ERBB4: variants seen among roughly 807,000 people sequenced by gnomAD.
ERBB4 encodes receptor tyrosine-protein kinase erbB-4.
Under a neutral mutation model 158.0 loss-of-function variants are expected in ERBB4, and 42 were observed. The ratio of observed to expected loss-of-function variants is 0.27; its 90% CI spans 0.21 to 0.34. The LOEUF (loss-of-function observed/expected upper bound fraction) is 0.34, where lower values mean the gene tolerates loss of function less well. Ranked by LOEUF, ERBB4 falls within the 10% of genes least tolerant of loss-of-function variation. The pLI is 1.00. For missense variants in ERBB4, 1,333 were observed against 1,624.1 expected, an observed-to-expected ratio of 0.82 and a Z score of 3.08; for synonymous variants, 583 against 558.7, an observed-to-expected ratio of 1.04 and a Z score of -0.61.
intron 3 of ERBB4, among the ~76,000 whole-genome samples, chr2:211,818,317 T>C (rs1427908515): frequency 6.6e-6 from 1 of 152,152 alleles, no homozygotes; most frequent in African/African-American, 2.4e-5. Context: ...GCATTGCTGA[T>C]ATAACAAACA....
At chr2:211,628,584 C>G (rs1464838227) in intron 17 of ERBB4, among the ~76,000 whole-genome samples, 1 of 152,142 alleles carries the variant, frequency 6.6e-6, no homozygotes, top group African/African-American at 2.4e-5. Context: ...GGACATTTGG[C>G]TTGGTTCCAA....
chr2:212,078,045 T>A (rs916004928), intron 2 of ERBB4, among the ~76,000 whole-genome samples: 3 of 152,078 alleles, frequency 2.0e-5, no homozygotes, highest in Non-Finnish European at 4.4e-5. Flanking sequence ...CCAAAGGAAG[T>A]TAGAGATTCT....
At chr2:211,528,347 C>T (rs766188709) in intron 20 of ERBB4, among the ~76,000 whole-genome samples, 10 of 151,748 alleles carry the variant, frequency 6.6e-5, no homozygotes, top group Admixed American at 2.0e-4. Flanking sequence ...TTGGAGCATC[C>T]GGATATATAA....
intron 1 of ERBB4, among the ~76,000 whole-genome samples, chr2:212,200,392 G>A (rs1434961922): frequency 6.6e-6 from 1 of 151,998 alleles, no homozygotes. Context: ...ATCTTGTAAA[G>A]TTTTTCAGAA....
At chr2:211,922,631 A>G (rs541030241) in intron 3 of ERBB4, among the ~76,000 whole-genome samples, 1 of 152,124 alleles carries the variant, frequency 6.6e-6, no homozygotes, top group South Asian at 2.1e-4. Context: ...TACATTGTTA[A>G]TTGTACATTG....
chr2:211,410,661 T>C (rs2063238307), intron 25 of ERBB4, among the ~76,000 whole-genome samples: 1 of 152,182 alleles, frequency 6.6e-6, no homozygotes, highest in South Asian at 2.1e-4. Context: ...TACCTGGAGA[T>C]ACAATTTGAT....
At chr2:212,269,224 G>A (rs751850921) in intron 1 of ERBB4, among the ~76,000 whole-genome samples, 1 of 151,832 alleles carries the variant, frequency 6.6e-6, no homozygotes, top group Non-Finnish European at 1.5e-5. Flanking sequence ...CAATTGTACA[G>A]ATGGGAGTTA....
At chr2:212,117,100 T>A (rs1056231175) in intron 2 of ERBB4, among the ~76,000 whole-genome samples, 14 of 152,330 alleles carry the variant, frequency 9.2e-5, no homozygotes, top group Admixed American at 2.0e-4. Flanking sequence ...TTTCAGATAC[T>A]ATCAAAGCTT....
At chr2:211,759,290 T>G (rs905451836) in intron 4 of ERBB4, among the ~76,000 whole-genome samples, 3 of 152,188 alleles carry the variant, frequency 2.0e-5, no homozygotes, top group Non-Finnish European at 4.4e-5. Context: ...TGCAATAACC[T>G]CTTATCCGGT....
chr2:212,401,200 T>C (rs2106462854), intron 1 of ERBB4, among the ~76,000 whole-genome samples: 1 of 152,304 alleles, frequency 6.6e-6, no homozygotes, highest in African/African-American at 2.4e-5. Context: ...AGTCACAGTT[T>C]TACCATTAGG....
chr2:212,298,912 T>C (rs540979428), intron 1 of ERBB4, among the ~76,000 whole-genome samples: 1 of 151,816 alleles, frequency 6.6e-6, no homozygotes, highest in South Asian at 2.1e-4. Flanking sequence ...ATTTTCTTCA[T>C]CTGGAAATAA....
rs556843117 is a variant in ERBB4 at position 212,142,773 on chromosome 2, G to C, written c.83-17870C>G. ...GGCACAGTGCCTCATGTGCTGCTGA[G>C]AGCTTTCATGAAACTGTCCACCTTT... On this transcript the variant is annotated intron_variant, in intron 1 of 27. Transcript: ENST00000342788. Among the ~76,000 whole-genome samples, 3 of 151,892 alleles carry C rather than the reference G, an allele frequency of 2.0e-5. No individual in the cohort carries two copies. In the South Asian group the frequency reaches 6.2e-4, roughly 32 times the overall value.
intron 1 of ERBB4, among the ~76,000 whole-genome samples, chr2:212,387,689 A>T (rs1406475756): frequency 2.6e-5 from 4 of 152,112 alleles, no homozygotes; most frequent in Non-Finnish European, 4.4e-5. Context: ...AAGTGCTGGG[A>T]TTACAGGTGT....
chr2:211,737,487 T>C (rs2074639609), intron 5 of ERBB4, among the ~76,000 whole-genome samples: 1 of 152,180 alleles, frequency 6.6e-6, no homozygotes, highest in Non-Finnish European at 1.5e-5. Context: ...AAACTGTTAG[T>C]ACAAAACCGG....
intron 7 of ERBB4, among the ~76,000 whole-genome samples, chr2:211,716,710 C>CAA (rs1405740371): frequency 6.5e-5 from 6 of 92,754 alleles, no homozygotes; most frequent in African/African-American, 2.9e-4. Context: ...CAAAACAAAA[C>CAA]AAAAAAAAAC....
intron 20 of ERBB4, among the ~76,000 whole-genome samples, chr2:211,433,587 A>AAT (rs1553533555): frequency 6.7e-6 from 1 of 149,108 alleles, no homozygotes; most frequent in East Asian, 1.9e-4. Context: ...AAAAAAAAAT[A>AAT]AAATAAAATA....
At chr2:211,386,482 G>A (rs910745134) in intron 27 of ERBB4, among the ~76,000 whole-genome samples, 2 of 152,044 alleles carry the variant, frequency 1.3e-5, no homozygotes, top group African/African-American at 4.8e-5. Context: ...TCTGATCTCC[G>A]CAATTAAGTC....
intron 1 of ERBB4, among the ~76,000 whole-genome samples, chr2:212,297,022 G>A (rs16848194): frequency 0.018 from 2,772 of 151,762 alleles, 86 homozygotes; most frequent in African/African-American, 0.063. Flanking sequence ...CTCATAACTC[G>A]AGGTTAAACT....
intron 1 of ERBB4, among the ~76,000 whole-genome samples, chr2:212,181,847 T>C (rs1174919504): frequency 6.6e-6 from 1 of 151,770 alleles, no homozygotes; most frequent in Non-Finnish European, 1.5e-5. Context: ...GTTCTTCACA[T>C]ATCCCTCTAC....
Sources: allele counts gnomAD v4.1 joint callset (sites outside exome capture counted in the v4.1 genomes callset), GRCh38; gene constraint gnomAD v4.1.1; transcripts MANE v1.5; gene names NCBI Gene and HGNC (gene_info 2026-07-23, HGNC 2026-07-21).